NTRK3: variants seen among roughly 807,000 people sequenced by gnomAD.
NTRK3 encodes the protein neurotrophic receptor tyrosine kinase 3.
A neutral mutation model predicts 91.7 loss-of-function variants in NTRK3; 24 were observed. That is an observed-to-expected ratio of 0.26 (90% CI 0.19 to 0.37). The LOEUF (loss-of-function observed/expected upper bound fraction) is 0.37. Ranked by LOEUF, NTRK3 falls within the 10% of genes least tolerant of loss-of-function variation. The pLI, the probability that NTRK3 is intolerant of heterozygous loss-of-function variation, is 1.00. For missense variants in NTRK3, 880 were observed against 1,068.9 expected, an observed-to-expected ratio of 0.82 and a Z score of 2.46; for synonymous variants, 483 against 404.0, an observed-to-expected ratio of 1.20 and a Z score of -2.34.
intron 13 of NTRK3, among the ~76,000 whole-genome samples, chr15:88,097,901 A>G (rs747955313): frequency 6.6e-6 from 1 of 152,182 alleles, no homozygotes; most frequent in Non-Finnish European, 1.5e-5. Context: ...GTTTTTCTCT[A>G]TTTCCCAAGT....
At chr15:87,952,656 G>T (rs2071248771) in intron 14 of NTRK3, among the ~76,000 whole-genome samples, 1 of 152,110 alleles carries the variant, frequency 6.6e-6, no homozygotes, top group African/African-American at 2.4e-5. Flanking sequence ...ATCTCCTTCC[G>T]CGTGACCTCT....
At chr15:88,253,867 T>G (rs2142051749) in intron 3 of NTRK3, among the ~76,000 whole-genome samples, 1 of 152,224 alleles carries the variant, frequency 6.6e-6, no homozygotes, top group East Asian at 1.9e-4. Context: ...TCCCCTCCCA[T>G]CACAGACCTT....
chr15:88,192,484 C>T (rs1394190734), intron 3 of NTRK3, among the ~76,000 whole-genome samples: 1 of 152,178 alleles, frequency 6.6e-6, no homozygotes, highest in Non-Finnish European at 1.5e-5. Context: ...GGAGAACAAG[C>T]ATCCCCTCCT....
At chr15:88,137,286 G>C (rs2041964631) in intron 7 of NTRK3, 118 bp downstream of exon 7, 1 of 1,203,104 alleles carries the variant, frequency 8.3e-7, no homozygotes, top group African/African-American at 1.5e-5. Flanking sequence ...CAGAGTTCAA[G>C]GCTGGGAGGG....
chr15:88,033,210 A>ATATGTATG (rs1555473199), intron 13 of NTRK3, among the ~76,000 whole-genome samples, 165 bp from the exon 14 acceptor site: 6 of 121,326 alleles, frequency 4.9e-5, no homozygotes, highest in African/African-American at 1.8e-4. Context: ...ATATATATAT[A>ATATGTATG]TATATAAATT....
At chr15:88,032,994 T>C in exon 14 of NTRK3, 1 of 1,608,950 alleles carries the variant, frequency 6.2e-7, no homozygotes, top group Non-Finnish European at 8.5e-7. Context: ...GTGGTTGATG[T>C]GGTGCAGTGG....
intron 3 of NTRK3, among the ~76,000 whole-genome samples, chr15:88,199,081 T>C (rs551549654): frequency 1.3e-5 from 2 of 152,190 alleles, no homozygotes; most frequent in African/African-American, 4.8e-5. Context: ...CAGGCACTGA[T>C]CCTTAGTTCC....
chr15:88,026,085 C>CA (rs1473534085), intron 14 of NTRK3, among the ~76,000 whole-genome samples: 1 of 152,156 alleles, frequency 6.6e-6, no homozygotes, highest in Non-Finnish European at 1.5e-5. Context: ...TCCTTGCTAA[C>CA]ACGGTGAAAC....
chr15:87,862,259 C>T, exon 19 of NTRK3: 1 of 223,818 alleles, frequency 4.5e-6, no homozygotes, highest in East Asian at 6.5e-5. Context: ...AGACCCACTC[C>T]CAAGTTAGAA....
At chr15:88,049,443 A>G (rs2080583760) in intron 13 of NTRK3, among the ~76,000 whole-genome samples, 1 of 152,236 alleles carries the variant, frequency 6.6e-6, no homozygotes, top group African/African-American at 2.4e-5. Context: ...AAATTCATGT[A>G]ATTTTAAAGT....
At chr15:88,074,015 T>C (rs149889008) in intron 13 of NTRK3, among the ~76,000 whole-genome samples, 1 of 152,316 alleles carries the variant, frequency 6.6e-6, no homozygotes, top group African/African-American at 2.4e-5. Flanking sequence ...AGAAGAAATA[T>C]ACCAGACCAA....
intron 14 of NTRK3, among the ~76,000 whole-genome samples, chr15:87,964,097 A>G (rs2072564859): frequency 1.3e-5 from 2 of 152,336 alleles, no homozygotes; most frequent in African/African-American, 4.8e-5. Context: ...AATAGTATGT[A>G]TGACACAGCT....
intron 3 of NTRK3, among the ~76,000 whole-genome samples, chr15:88,223,456 C>T (rs991540808): frequency 1.2e-4 from 18 of 152,214 alleles, no homozygotes; most frequent in African/African-American, 3.9e-4. Context: ...AGGCAAAGGC[C>T]GTGGGCAACA....
chr15:88,138,088 ACTGT>A (rs2042042999), intron 6 of NTRK3, among the ~76,000 whole-genome samples: 1 of 151,430 alleles, frequency 6.6e-6, no homozygotes, highest in Non-Finnish European at 1.5e-5. Context: ...ACTTCATGCA[ACTGT>A]CTAAGAGATC....
chr15:88,021,993 C>A (rs2077629460), intron 14 of NTRK3, among the ~76,000 whole-genome samples: 1 of 152,102 alleles, frequency 6.6e-6, no homozygotes, highest in South Asian at 2.1e-4. Flanking sequence ...ATGTCTGACT[C>A]CTTGGAGACA....
chr15:88,138,327 G>A (rs112282338), intron 6 of NTRK3, among the ~76,000 whole-genome samples: 2,043 of 151,396 alleles, frequency 0.013, 38 homozygotes, highest in African/African-American at 0.045. Context: ...GGAGAATGGC[G>A]TGAACCCAGG....
At chr15:88,087,746 A>G (rs1370847413) in intron 13 of NTRK3, among the ~76,000 whole-genome samples, 1 of 152,186 alleles carries the variant, frequency 6.6e-6, no homozygotes, top group Non-Finnish European at 1.5e-5. Flanking sequence ...ACCTCAAATC[A>G]TACTTTAAAT....
Position 87,878,645 on chromosome 15 carries a change from G to C in NTRK3, c.2293-1525C>G, listed in dbSNP as rs117059595. Among the ~76,000 whole-genome samples the C allele has an allele frequency of 8.3e-3, 1,265 of 152,324 alleles. 7 individuals are homozygous for C. The highest frequency in any genetic ancestry group is 0.014 in the Non-Finnish European group (972 of 68,030). ...CTATCCAGGTTTGTTGATTTCCATG[G>C]AGAAACCGATGATCAGAGACTGTCA... On this transcript the variant is annotated intron_variant, in intron 18 of 18. Transcript: ENST00000394480.
chr15:87,923,300 T>C (rs1289875841), intron 17 of NTRK3, among the ~76,000 whole-genome samples: 1 of 152,210 alleles, frequency 6.6e-6, no homozygotes, highest in Admixed American at 6.5e-5. Flanking sequence ...GTTCTTGCCA[T>C]GAAAGAAAGT....
Sources: allele counts gnomAD v4.1 joint callset (sites outside exome capture counted in the v4.1 genomes callset), GRCh38; gene constraint gnomAD v4.1.1; transcripts MANE v1.5; gene names NCBI Gene and HGNC (gene_info 2026-07-23, HGNC 2026-07-21).